The following NREP variants were observed in gnomAD, a reference collection of about 807,000 sequenced individuals.
NREP encodes the protein neuronal regeneration-related protein.
In NREP, 5 loss-of-function variants were observed where a neutral mutation model predicts 8.6. That is an observed-to-expected ratio of 0.58 (90% CI 0.30 to 1.22). NREP has a LOEUF of 1.22. Ranked by LOEUF, NREP falls within the 50% of genes most tolerant of loss-of-function variation. The pLI is 0.07. For synonymous variants in NREP, 27 were observed against 28.0 expected (o/e 0.96, Z 0.11); for missense variants, 86 against 82.5 (o/e 1.04, Z -0.17).
chr5:111,766,189 C>G (rs890966223), intron 2 of NREP, among the ~76,000 whole-genome samples: 1 of 152,164 alleles, frequency 6.6e-6, no homozygotes, highest in African/African-American at 2.4e-5. Context: ...GTGTCCTAGT[C>G]ATTTTTTTTA....
At chr5:111,745,138 CA>C (rs1749921818) in intron 2 of NREP, among the ~76,000 whole-genome samples, 1 of 152,092 alleles carries the variant, frequency 6.6e-6, no homozygotes, top group Non-Finnish European at 1.5e-5. Flanking sequence ...AATGTTACCA[CA>C]AGGAAGAAAT....
intron 2 of NREP, among the ~76,000 whole-genome samples, chr5:111,840,508 T>C (rs1753003643): frequency 6.6e-6 from 1 of 152,124 alleles, no homozygotes; most frequent in Non-Finnish European, 1.5e-5. Context: ...CATTAGAGAC[T>C]GTAGTTAAGT....
At chr5:111,862,493 C>T (rs1167871296) in intron 2 of NREP, among the ~76,000 whole-genome samples, 2 of 152,088 alleles carry the variant, frequency 1.3e-5, no homozygotes, top group Admixed American at 1.3e-4. Context: ...TCCCTCAAGG[C>T]AGCAATATTG....
intron 2 of NREP, among the ~76,000 whole-genome samples, chr5:111,860,094 A>G (rs1249341586): frequency 6.6e-6 from 1 of 152,172 alleles, no homozygotes; most frequent in Non-Finnish European, 1.5e-5. Flanking sequence ...ACTTCCAGGA[A>G]TAAACTTTCT....
intron 2 of NREP, among the ~76,000 whole-genome samples, chr5:111,856,505 C>A (rs1753430887): frequency 6.6e-6 from 1 of 152,106 alleles, no homozygotes. Context: ...GTGTTCGAAG[C>A]AGTATGATGG....
chr5:111,745,337 A>G (rs1749933272), intron 2 of NREP, among the ~76,000 whole-genome samples: 1 of 152,220 alleles, frequency 6.6e-6, no homozygotes, highest in African/African-American at 2.4e-5. Context: ...GACCAGTCTT[A>G]GAGTAACAAC....
At chr5:111,827,171 C>T (rs1752649241) in intron 2 of NREP, among the ~76,000 whole-genome samples, 2 of 152,090 alleles carry the variant, frequency 1.3e-5, no homozygotes, top group Non-Finnish European at 2.9e-5. Flanking sequence ...GTGATGTTTT[C>T]CTTATATAGT....
At chr5:111,819,242 C>G (rs567427444) in intron 2 of NREP, among the ~76,000 whole-genome samples, 61 of 152,280 alleles carry the variant, frequency 4.0e-4, no homozygotes, top group Non-Finnish European at 6.5e-4. Flanking sequence ...CACCTGTTCT[C>G]TAACCACCCT....
At chr5:111,879,840 A>AG (rs1754005504) in intron 2 of NREP, among the ~76,000 whole-genome samples, 1 of 152,040 alleles carries the variant, frequency 6.6e-6, no homozygotes, top group African/African-American at 2.4e-5. Context: ...AGAGAGAGAG[A>AG]AAAAAAGACA....
At chr5:111,758,214 C>T (rs1314488927), upstream of NREP, 1 of 985,524 alleles carries the variant, frequency 1.0e-6, no homozygotes, top group Non-Finnish European at 1.2e-6. Flanking sequence ...CCTGTGGCTG[C>T]GCGTGCACAC....
intron 2 of NREP, among the ~76,000 whole-genome samples, chr5:111,835,949 G>A (rs1392956856): frequency 6.6e-6 from 1 of 152,104 alleles, no homozygotes; most frequent in Non-Finnish European, 1.5e-5. Flanking sequence ...GCAGATGTAA[G>A]AAACTTTAAA....
intron 2 of NREP, among the ~76,000 whole-genome samples, chr5:111,813,495 T>A (rs1341262799): frequency 1.3e-5 from 2 of 152,170 alleles, no homozygotes; most frequent in Non-Finnish European, 2.9e-5. Context: ...CATGCTTATA[T>A]TCCAACATGT....
At chr5:111,757,802 G>T, upstream of NREP, 1 of 970,810 alleles carries the variant, frequency 1.0e-6, no homozygotes, top group Non-Finnish European at 1.2e-6. Flanking sequence ...GCCTCGACGT[G>T]CGGTTGCTTT....
At chr5:111,942,469 A>G (rs1755855310) in intron 2 of NREP, among the ~76,000 whole-genome samples, 1 of 152,010 alleles carries the variant, frequency 6.6e-6, no homozygotes, top group African/African-American at 2.4e-5. Context: ...TACTAACTAC[A>G]TCTGCAACAT....
At position 111,827,446 on chromosome 5, in the gene NREP, A is replaced by G. The variant is rs376247329; in HGVS notation, c.136-91939T>C. On this transcript the variant is annotated intron_variant, in intron 2 of 3. Transcript: ENST00000395634. ...AAGATTTTTACAAAATGGCTACACA[A>G]TGCCCAAGTTACTGAGGAACCAGGC... 2.6e-5 allele frequency among the ~76,000 whole-genome samples: 4 copies of G among 152,344 alleles called. No individual in the cohort carries two copies. The East Asian group carries it at 7.7e-4, about 29-fold the overall frequency.
At chr5:111,806,796 A>C (rs148738437) in intron 2 of NREP, among the ~76,000 whole-genome samples, 1 of 152,156 alleles carries the variant, frequency 6.6e-6, no homozygotes, top group Non-Finnish European at 1.5e-5. Flanking sequence ...GAAATGAACT[A>C]AAGTGTGGAT....
intron 2 of NREP, among the ~76,000 whole-genome samples, chr5:111,963,279 G>A (rs565022820): frequency 6.6e-6 from 1 of 152,338 alleles, no homozygotes; most frequent in African/African-American, 2.4e-5. Flanking sequence ...TCACACAAGA[G>A]GTTGAGCGTG....
intron 2 of NREP, chr5:111,939,989 G>A (rs969887436): frequency 1.3e-5 from 2 of 152,052 alleles, no homozygotes; most frequent in Non-Finnish European, 2.9e-5. Flanking sequence ...TCCTGTGGGA[G>A]TAATCATTCA....
At position 111,916,816 on chromosome 5, in the gene NREP, G is replaced by A. The variant is rs548045423; in HGVS notation, c.135+58458C>T. 6.3e-4 allele frequency among the ~76,000 whole-genome samples: 96 copies of A among 152,106 alleles called. 1 individual carries two copies. The highest frequency in any genetic ancestry group is 9.0e-4 in the Non-Finnish European group (61 of 68,004). ...GTGACAAATATCTGAATTACTGGCA[G>A]CAAATCCATATGGGTATGCAGCAAC... On this transcript the variant is annotated intron_variant, in intron 2 of 3. Transcript: ENST00000395634.
Sources: gnomAD v4.1 joint callset for allele counts (sites outside exome capture counted in the v4.1 genomes callset) on GRCh38, gnomAD v4.1.1 for gene constraint, MANE v1.5 for transcripts, NCBI Gene and HGNC (gene_info 2026-07-23, HGNC 2026-07-21) for gene names.